Variants in REV1 observed in about 807,000 individuals in gnomAD.
REV1 encodes the protein translesion synthesis protein REV1.
Under a neutral mutation model 137.4 loss-of-function variants are expected in REV1, and 42 were observed. The ratio of observed to expected loss-of-function variants is 0.31; its 90% CI spans 0.24 to 0.40. The LOEUF is 0.40. Among genes scored for constraint, REV1 ranks in the 10% least tolerant of loss-of-function variants. The pLI, the probability that REV1 is intolerant of heterozygous loss-of-function variation, is 1.00. For missense variants in REV1, 1,282 were observed against 1,490.1 expected, an observed-to-expected ratio of 0.86 and a Z score of 2.30; for synonymous variants, 524 against 519.2, an observed-to-expected ratio of 1.01 and a Z score of -0.12.
chr2:99,403,397 T>C (rs1012306488), intron 19 of REV1: 10 of 557,878 alleles, frequency 1.8e-5, no homozygotes, highest in East Asian at 3.0e-5. Context: ...CATCCTTTAA[T>C]GTATTCATCT....
chr2:99,403,919 G>T, intron 18 of REV1, 104 bp from the exon 19 acceptor site: 3 of 1,384,002 alleles, frequency 2.2e-6, no homozygotes, highest in Non-Finnish European at 3.0e-6. Flanking sequence ...TCACTTTTCT[G>T]ATCTGTACGA....
chr2:99,462,814 G>A (rs566946687), intron 2 of REV1, 192 bp from the exon 3 acceptor site: 13 of 519,598 alleles, frequency 2.5e-5, no homozygotes, highest in Non-Finnish European at 3.9e-5. Context: ...TGGGCCGGGC[G>A]CAGTGGCTCA....
intron 1 of REV1, among the ~76,000 whole-genome samples, chr2:99,473,255 CTACTCAGGAGGCT>C (rs939084922): frequency 6.6e-6 from 1 of 151,806 alleles, no homozygotes; most frequent in Non-Finnish European, 1.5e-5. Context: ...GTAGTCCCAG[CTACTCAGGAGGCT>C]GAGGCAGGAG....
At chr2:99,442,149 G>A (rs947817366) in intron 5 of REV1, among the ~76,000 whole-genome samples, 168 bp downstream of exon 5, 1 of 151,178 alleles carries the variant, frequency 6.6e-6, no homozygotes, top group African/African-American at 2.4e-5. Flanking sequence ...CTACTCGGGA[G>A]GCTGAGGCAG....
At position 99,401,848 on chromosome 2, in the gene REV1, C is replaced by T. The variant is rs560437156; in HGVS notation, c.3644+396G>A. 1.6e-4 allele frequency among the ~76,000 whole-genome samples: 25 copies of T among 152,246 alleles called. No individual in the cohort carries two copies. The South Asian group carries it at 1.7e-3, about 10-fold the overall frequency. ...ATGCAGTGGTGCAATCATGGTTCAC[C>T]GCAGCCTCCACCTCCCAAGTAACTG... On this transcript the variant is annotated intron_variant, in intron 22 of 22. Coordinates refer to ENST00000258428, the MANE Select transcript of REV1 (RefSeq NM_016316.4).
At chr2:99,464,855 T>C (rs28369944) in intron 2 of REV1, 67 bp downstream of exon 2, 165,398 of 1,463,096 alleles carry the variant, frequency 0.11, 10,391 homozygotes, top group Non-Finnish European at 0.12. Flanking sequence ...TTAAACCACA[T>C]TATAACAGAA....
intron 3 of REV1, among the ~76,000 whole-genome samples, chr2:99,454,794 G>C (rs1444758798): frequency 1.4e-4 from 21 of 152,038 alleles, no homozygotes; most frequent in Non-Finnish European, 5.9e-5. Flanking sequence ...TTATTTTGCA[G>C]AACATTCTAT....
intron 5 of REV1, among the ~76,000 whole-genome samples, chr2:99,442,046 G>A (rs1681550495): frequency 6.6e-6 from 1 of 151,886 alleles, no homozygotes; most frequent in African/African-American, 2.4e-5. Context: ...AAGGCCAGGA[G>A]TTCGAGACCA....
rs1681123689 is a variant in REV1, at chr2:99,438,964, T to C, written c.850A>G (p.Arg284Gly). 2.5e-6 allele frequency: 4 copies of C among 1,614,054 alleles called. No homozygotes were observed. The highest frequency in any genetic ancestry group is 2.7e-5 in the African/African-American group (2 of 74,934). ...GGATTCCGCAAAGCATCTGTGTTTC[T>C]GGTGCTTTGCTGCAACTGCTGCAGA... ...CTLQQLQQSTRNTDALRNPHR... is the reference protein window; with the variant it reads ...CTLQQLQQSTGNTDALRNPHR... The change falls in exon 6 of 23, where the codon AGA becomes GGA. Residue 284 changes from arginine (R) to glycine (G), a missense_variant. Arg to Gly is a moderately radical substitution (Grantham distance 125). Transcript: ENST00000258428.
Position 99,431,837 on chromosome 2 carries a change from C to T in REV1, c.1439-1889G>A, listed in dbSNP as rs560704201. On this transcript the variant is annotated intron_variant, in intron 8 of 22. Transcript: ENST00000258428. ...GAAATGCAGGGACACACTGTCCTCA[C>T]TGGAGGGCAAAGTAGAGAACTGCTC... is the stretch of plus-strand genomic sequence containing the variant. 16 of 985,284 alleles carry T rather than the reference C, an allele frequency of 1.6e-5. No homozygotes were observed. In the South Asian group the frequency reaches 7.1e-4, roughly 43 times the overall value. 61.0% of individuals were successfully genotyped at this position (985,284 alleles called of 1,614,324 possible). A position where few individuals can be genotyped will look rare whatever the true frequency, so the allele number is the denominator to read the frequency against.
intron 4 of REV1, among the ~76,000 whole-genome samples, chr2:99,447,603 G>T (rs1409355428): frequency 6.6e-6 from 1 of 152,150 alleles, no homozygotes; most frequent in Non-Finnish European, 1.5e-5. Flanking sequence ...AACATGCTAG[G>T]CACTGCACCA....
intron 2 of REV1, among the ~76,000 whole-genome samples, chr2:99,464,710 A>C (rs776044861): frequency 2.2e-4 from 33 of 152,210 alleles, no homozygotes; most frequent in Non-Finnish European, 3.1e-4. Flanking sequence ...TGCACTAGGC[A>C]TATTTATTTC....
At chr2:99,415,471 A>G (rs747603960) in intron 12 of REV1, among the ~76,000 whole-genome samples, 3 of 152,198 alleles carry the variant, frequency 2.0e-5, no homozygotes, top group Non-Finnish European at 4.4e-5. Context: ...ATACAGACAT[A>G]GAGGAGTAAA....
Position 99,406,605 on chromosome 2 carries a change from ATAAAGG to A in REV1, c.2449-121_2449-116del, listed in dbSNP as rs1445107528. 3 of 806,120 alleles carry A rather than the reference ATAAAGG, an allele frequency of 3.7e-6. No homozygotes were observed. In the African/African-American group the frequency reaches 5.3e-5, roughly 14 times the overall value. The allele number at this position is 806,120 out of a possible 1,614,324, so 49.9% of individuals were successfully genotyped here. A position where few individuals can be genotyped will look rare whatever the true frequency, so the allele number is the denominator to read the frequency against. ...CTATCTCCTGGATCCTGTTTCTAGA[ATAAAGG>A]TAAATGAAAGTATTCAAACAGCATT... On this transcript the variant is annotated intron_variant, in intron 15 of 22. Coordinates refer to ENST00000258428, the MANE Select transcript of REV1 (RefSeq NM_016316.4).
At chr2:99,454,844 T>C (rs775714497) in intron 3 of REV1, among the ~76,000 whole-genome samples, 5 of 152,206 alleles carry the variant, frequency 3.3e-5, no homozygotes, top group Non-Finnish European at 7.3e-5. Flanking sequence ...CCAGACATAG[T>C]GACAGACAAT....
intron 3 of REV1, among the ~76,000 whole-genome samples, chr2:99,456,282 C>A (rs147661725): frequency 3.3e-5 from 5 of 152,300 alleles, no homozygotes; most frequent in African/African-American, 1.2e-4. Flanking sequence ...GTTCTAGGCA[C>A]TGGAGATATG....
intron 19 of REV1, 130 bp from the exon 20 acceptor site, chr2:99,403,236 G>C: frequency 1.4e-6 from 1 of 711,786 alleles, no homozygotes; most frequent in Non-Finnish European, 2.3e-6. Flanking sequence ...CCTGCCCCAA[G>C]TGAGAGGCAG....
chr2:99,471,982 T>C (rs1233022332), intron 1 of REV1, among the ~76,000 whole-genome samples: 1 of 151,250 alleles, frequency 6.6e-6, no homozygotes, highest in African/African-American at 2.4e-5. Flanking sequence ...ATGGTGCAGC[T>C]GATATGAGAA....
At position 99,404,574 on chromosome 2, in the gene REV1, T is replaced by C; in HGVS notation, c.2915A>G (p.Glu972Gly). Residue 972 changes from glutamate to glycine, a missense_variant, in exon 18 of 23, where the codon GAA becomes GGA. By Grantham distance (98) the Glu-to-Gly change is moderately conservative. Transcript: ENST00000258428. Reference sequence around the variant, plus strand: ...TCCTGTATTACAGCCATTTACTGGTTCTTTCTTTTTGTCGCCATGTGACTC... The same window carrying C: ...TCCTGTATTACAGCCATTTACTGGTCCTTTCTTTTTGTCGCCATGTGACTC... ...QAESHGDKKKEPVNGCNTGIL... is the reference protein window; with the variant it reads ...QAESHGDKKKGPVNGCNTGIL... 6.2e-7 allele frequency: 1 copy of C among 1,614,130 alleles called. No individual in the cohort carries two copies. Among genetic ancestry groups the C allele is most frequent in the Non-Finnish European group, 8.5e-7 (1 of 1,179,998 alleles).
Sources: gnomAD v4.1 joint callset for allele counts (sites outside exome capture counted in the v4.1 genomes callset) on GRCh38, gnomAD v4.1.1 for gene constraint, MANE v1.5 for transcripts, NCBI Gene and HGNC (gene_info 2026-07-23, HGNC 2026-07-21) for gene names.